Variants in FBXW7 observed in about 807,000 individuals in gnomAD.
FBXW7 encodes F-box and WD repeat domain containing 7, also known as F-box/WD repeat-containing protein 7.
Under a neutral mutation model 86.3 loss-of-function variants are expected in FBXW7, and 11 were observed. The observed-to-expected ratio is 0.13, with a 90% confidence interval of 0.08 to 0.21. The LOEUF (loss-of-function observed/expected upper bound fraction) is 0.21. FBXW7 is among the 10% of genes least tolerant of loss of function. The pLI, the probability that FBXW7 is intolerant of heterozygous loss-of-function variation, is 1.00. For synonymous variants in FBXW7, 313 were observed against 297.9 expected (o/e 1.05, Z -0.52); for missense variants, 488 against 847.4 (o/e 0.58, Z 5.27).
At chr4:152,370,272 G>A (rs191055431) in intron 4 of FBXW7, among the ~76,000 whole-genome samples, 83 of 152,032 alleles carry the variant, frequency 5.5e-4, no homozygotes, top group Non-Finnish European at 1.0e-3. Flanking sequence ...TAGCAAAGGA[G>A]AAGAAATTTA....
chr4:152,401,388 T>C (rs906162379), intron 4 of FBXW7, among the ~76,000 whole-genome samples: 3 of 152,280 alleles, frequency 2.0e-5, no homozygotes, highest in South Asian at 2.1e-4. Context: ...GCTATAAATA[T>C]ACATGAAGGA....
chr4:152,368,324 G>A (rs1258819022), intron 4 of FBXW7, among the ~76,000 whole-genome samples: 1 of 152,058 alleles, frequency 6.6e-6, no homozygotes, highest in African/African-American at 2.4e-5. Context: ...GTTGTAGCAT[G>A]AACATAGCTG....
intron 4 of FBXW7, among the ~76,000 whole-genome samples, chr4:152,388,389 C>T (rs1735727487): frequency 6.6e-6 from 1 of 152,060 alleles, no homozygotes; most frequent in Non-Finnish European, 1.5e-5. Flanking sequence ...AAAAGCATTG[C>T]ATGTACATGC....
chr4:152,532,392 T>C (rs564198026), intron 2 of FBXW7, among the ~76,000 whole-genome samples: 6 of 152,218 alleles, frequency 3.9e-5, no homozygotes, highest in Non-Finnish European at 8.8e-5. Flanking sequence ...AAATGTAATT[T>C]CTCCCCAGTC....
At chr4:152,495,761 C>T (rs1746279092) in intron 2 of FBXW7, among the ~76,000 whole-genome samples, 2 of 152,044 alleles carry the variant, frequency 1.3e-5, no homozygotes, top group African/African-American at 4.8e-5. Flanking sequence ...TAAAGTGGTC[C>T]TACATAGGTC....
intron 10 of FBXW7, chr4:152,328,992 C>T (rs1729312280): frequency 6.6e-6 from 1 of 151,774 alleles, no homozygotes; most frequent in African/African-American, 2.4e-5. Flanking sequence ...TGGTAAAAGA[C>T]ATTTTAAAAG....
chr4:152,527,863 TATACACACACACAC>T, intron 2 of FBXW7, among the ~76,000 whole-genome samples: 1 of 103,972 alleles, frequency 9.6e-6, no homozygotes, highest in African/African-American at 3.3e-5. Context: ...TTAAAAATTA[TATACACACACACAC>T]ACACACACAC....
At chr4:152,367,945 T>G (rs1733651289) in intron 4 of FBXW7, among the ~76,000 whole-genome samples, 1 of 152,052 alleles carries the variant, frequency 6.6e-6, no homozygotes, top group African/African-American at 2.4e-5. Context: ...GGTAAGTTTT[T>G]TTTGGAGGAG....
chr4:152,345,189 T>G (rs981960703), intron 6 of FBXW7, among the ~76,000 whole-genome samples: 4 of 152,148 alleles, frequency 2.6e-5, no homozygotes, highest in Non-Finnish European at 5.9e-5. Context: ...ATAAATTTCC[T>G]TTTAAAAGGA....
intron 2 of FBXW7, among the ~76,000 whole-genome samples, chr4:152,480,512 C>G (rs547366612): frequency 1.3e-5 from 2 of 152,204 alleles, no homozygotes; most frequent in South Asian, 4.1e-4. Flanking sequence ...ACATTACTCA[C>G]TTTAAATCAA....
intron 2 of FBXW7, among the ~76,000 whole-genome samples, chr4:152,434,958 TCCC>T (rs11321808): frequency 3.9e-5 from 5 of 129,226 alleles, no homozygotes; most frequent in African/African-American, 1.3e-4. Context: ...TTCCCCCCGC[TCCC>T]CCCCCCCCAC....
At chr4:152,521,419 C>A (rs1379557153) in intron 2 of FBXW7, among the ~76,000 whole-genome samples, 2 of 152,040 alleles carry the variant, frequency 1.3e-5, no homozygotes, top group Non-Finnish European at 2.9e-5. Context: ...TATACATGTA[C>A]ACACACATAC....
chr4:152,343,823 A>ATT (rs199696768), intron 6 of FBXW7, among the ~76,000 whole-genome samples: 9 of 145,468 alleles, frequency 6.2e-5, no homozygotes, highest in Middle Eastern at 3.5e-3. Context: ...TAAACTTTCT[A>ATT]TTTTTTTTTT....
intron 2 of FBXW7, among the ~76,000 whole-genome samples, chr4:152,434,611 T>C (rs1004474731): frequency 3.3e-5 from 5 of 152,198 alleles, no homozygotes; most frequent in African/African-American, 1.2e-4. Flanking sequence ...GAGAGGTTCT[T>C]GTATCAAGAC....
Position 152,405,531 on chromosome 4 carries a change from T to C in FBXW7, c.501+5772A>G, listed in dbSNP as rs188331665. Among the ~76,000 whole-genome samples the C allele has an allele frequency of 2.3e-3, 356 of 152,330 alleles. 2 individuals carry two copies. Among genetic ancestry groups the C allele is most frequent in the Non-Finnish European group, 3.4e-3 (232 of 68,020 alleles). ...AGTGGGAAATGGGGCACCAGATATC[T>C]GTATTGAGGTTATTATCTATACAGA... is the stretch of plus-strand genomic sequence containing the variant. On this transcript the variant is annotated intron_variant, in intron 4 of 13. Transcript: ENST00000281708.
intron 2 of FBXW7, among the ~76,000 whole-genome samples, chr4:152,519,983 G>A (rs560077501): frequency 3.3e-5 from 5 of 152,094 alleles, no homozygotes; most frequent in Non-Finnish European, 5.9e-5. Flanking sequence ...GTTAAATAAC[G>A]GTTGTAAAAA....
chr4:152,525,840 G>A (rs903283768), intron 2 of FBXW7, among the ~76,000 whole-genome samples: 28 of 152,240 alleles, frequency 1.8e-4, no homozygotes, highest in African/African-American at 6.7e-4. Context: ...ATTGCTGGGT[G>A]GAATGGTAGT....
chr4:152,385,928 AT>A (rs1393490364), intron 4 of FBXW7, among the ~76,000 whole-genome samples: 7 of 151,964 alleles, frequency 4.6e-5, no homozygotes, highest in Non-Finnish European at 8.8e-5. Flanking sequence ...TACAAGTTTC[AT>A]TTTTTTGGGA....
intron 4 of FBXW7, among the ~76,000 whole-genome samples, chr4:152,399,029 G>C (rs1579093317): frequency 6.6e-6 from 1 of 152,128 alleles, no homozygotes; most frequent in Middle Eastern, 3.4e-3. Context: ...GACAGAGGTG[G>C]GAACTGAAAT....
Sources: gnomAD v4.1 joint callset for allele counts (sites outside exome capture counted in the v4.1 genomes callset) on GRCh38, gnomAD v4.1.1 for gene constraint, MANE v1.5 for transcripts, NCBI Gene and HGNC (gene_info 2026-07-23, HGNC 2026-07-21) for gene names.